BICC1: variants seen among roughly 807,000 people sequenced by gnomAD.
The protein encoded by BICC1 is protein bicaudal C homolog 1.
BICC1 carries 43 observed loss-of-function variants against 111.0 expected under a neutral mutation model. The ratio of observed to expected loss-of-function variants is 0.39; its 90% CI spans 0.30 to 0.50. The LOEUF is 0.50. Among genes scored for constraint, BICC1 ranks in the 20% least tolerant of loss-of-function variants. The pLI is 0.88. For synonymous variants in BICC1, 467 were observed against 434.4 expected (o/e 1.07, Z -0.93); for missense variants, 1,091 against 1,203.2 (o/e 0.91, Z 1.38).
Position 58,798,457 on chromosome 10 carries a change from G to C in BICC1, c.1425G>C (p.Leu475Phe), listed in dbSNP as rs973554739. 7.4e-6 allele frequency: 12 copies of C among 1,613,056 alleles called. No homozygotes were observed. Among genetic ancestry groups the C allele is most frequent in the Middle Eastern group, 3.3e-4 (2 of 6,058 alleles). ...CTTCAACAACCCCAAACTCACTCTT[G>C]AATGCTCTTAATAGCTCAGTCAGTC... Reference protein sequence around the residue: ...LNTSTTPNSLLNALNSSVSPL... With the variant: ...LNTSTTPNSLFNALNSSVSPL... The change falls in exon 11 of 21, where the codon TTG becomes TTC. Residue 475 changes from leucine (L) to phenylalanine (F), a missense_variant. This residue lies in a region of BICC1 where 843 missense variants were observed against 900.8 expected (regional missense o/e 0.94). Transcript: ENST00000373886.
chr10:58,715,558 G>A, intron 3 of BICC1: 1 of 1,526,480 alleles, frequency 6.6e-7, no homozygotes, highest in South Asian at 1.1e-5. Context: ...AGCACCATGG[G>A]GAAGCGGGAC....
chr10:58,742,921 A>G (rs1841715349), intron 3 of BICC1, among the ~76,000 whole-genome samples: 1 of 152,172 alleles, frequency 6.6e-6, no homozygotes, highest in African/African-American at 2.4e-5. Flanking sequence ...CATTGCCCAC[A>G]CCTTAAATGA....
intron 1 of BICC1, among the ~76,000 whole-genome samples, chr10:58,587,050 C>G (rs1447643243): frequency 3.9e-5 from 6 of 152,104 alleles, no homozygotes. Context: ...TAATTAAAGC[C>G]TCATGAATAT....
intron 2 of BICC1, among the ~76,000 whole-genome samples, chr10:58,672,682 T>C (rs1589001217): frequency 1.3e-5 from 2 of 152,220 alleles, no homozygotes; most frequent in South Asian, 4.1e-4. Flanking sequence ...TTGGCCACCA[T>C]CCTTTCCCCG....
chr10:58,528,347 G>T (rs929814904), intron 1 of BICC1, among the ~76,000 whole-genome samples: 9 of 151,802 alleles, frequency 5.9e-5, no homozygotes, highest in Non-Finnish European at 1.3e-4. Context: ...TTTGAATGAG[G>T]ATATGCAAAA....
intron 1 of BICC1, among the ~76,000 whole-genome samples, chr10:58,564,121 C>T (rs1843687608): frequency 2.0e-5 from 3 of 152,114 alleles, no homozygotes; most frequent in African/African-American, 4.8e-5. Flanking sequence ...TATAAATTTA[C>T]ATACAACATA....
At chr10:58,682,743 G>T (rs1055157916) in intron 2 of BICC1, among the ~76,000 whole-genome samples, 1 of 151,892 alleles carries the variant, frequency 6.6e-6, no homozygotes, top group Non-Finnish European at 1.5e-5. Context: ...ATTTTTTCTT[G>T]TAAATTTGTT....
chr10:58,748,051 T>TC (rs1299766444), intron 3 of BICC1, among the ~76,000 whole-genome samples: 2 of 152,170 alleles, frequency 1.3e-5, no homozygotes, highest in African/African-American at 4.8e-5. Flanking sequence ...TTACATTATA[T>TC]CATACTAGGT....
chr10:58,539,405 G>T (rs140405654), intron 1 of BICC1, among the ~76,000 whole-genome samples: 1 of 151,572 alleles, frequency 6.6e-6, no homozygotes, highest in Non-Finnish European at 1.5e-5. Context: ...AAGCAGGAGA[G>T]AGGTGAGAGA....
At chr10:58,613,907 A>G (rs1845517787) in intron 1 of BICC1, among the ~76,000 whole-genome samples, 1 of 152,178 alleles carries the variant, frequency 6.6e-6, no homozygotes. Context: ...AGTCCTAAGT[A>G]TTTGCAGAAT....
chr10:58,637,820 G>T (rs1837996064), intron 2 of BICC1, among the ~76,000 whole-genome samples: 1 of 152,152 alleles, frequency 6.6e-6, no homozygotes, highest in Non-Finnish European at 1.5e-5. Context: ...GGTACCAGTG[G>T]CATAACTTAT....
chr10:58,512,966 G>A lies in BICC1; in HGVS notation c.-178G>A, dbSNP rs867250238. On this transcript the variant is annotated 5_prime_UTR_variant, in exon 1 of 21. Transcript: ENST00000373886. Reference sequence around the variant, plus strand: ...TGGCGGGTGGCGTGGGCGGCGCCCGGGGCTGGGATGCGCCGGGGGCTCAGT... The same window carrying A: ...TGGCGGGTGGCGTGGGCGGCGCCCGAGGCTGGGATGCGCCGGGGGCTCAGT... 7.4e-5 allele frequency among the ~76,000 whole-genome samples: 11 copies of A among 147,864 alleles called. No homozygotes were observed. The highest frequency in any genetic ancestry group is 2.7e-4 in the African/African-American group (11 of 41,106).
At chr10:58,648,033 C>A (rs571299019) in intron 2 of BICC1, among the ~76,000 whole-genome samples, 6 of 152,144 alleles carry the variant, frequency 3.9e-5, no homozygotes, top group Non-Finnish European at 8.8e-5. Context: ...ATTGTCTTAA[C>A]TTGATCTGGT....
chr10:58,787,440 C>G (rs919250970), intron 5 of BICC1, among the ~76,000 whole-genome samples: 11 of 152,104 alleles, frequency 7.2e-5, no homozygotes, highest in African/African-American at 2.4e-4. Context: ...GAAGTAAATA[C>G]CTTTGTGGCA....
At chr10:58,827,825 C>T (rs533739176) in intron 20 of BICC1, among the ~76,000 whole-genome samples, 1 of 152,230 alleles carries the variant, frequency 6.6e-6, no homozygotes, top group Non-Finnish European at 1.5e-5. Context: ...ATGTGCCTGC[C>T]TCTCCTTCCA....
chr10:58,552,158 T>A (rs1285011890), intron 1 of BICC1, among the ~76,000 whole-genome samples: 1 of 151,758 alleles, frequency 6.6e-6, no homozygotes, highest in Non-Finnish European at 1.5e-5. Flanking sequence ...TCACTCTTCA[T>A]GTGTTAAGAG....
At chr10:58,682,782 C>A (rs192194086) in intron 2 of BICC1, among the ~76,000 whole-genome samples, 1 of 152,146 alleles carries the variant, frequency 6.6e-6, no homozygotes, top group Non-Finnish European at 1.5e-5. Context: ...TGGATATTAG[C>A]CCTTTGTCAG....
At chr10:58,611,358 A>G (rs1252849682) in intron 1 of BICC1, among the ~76,000 whole-genome samples, 1 of 152,178 alleles carries the variant, frequency 6.6e-6, no homozygotes, top group Middle Eastern at 3.2e-3. Context: ...TTTTTCTAAC[A>G]CATTCACTAT....
chr10:58,748,515 T>C (rs1841898531), intron 3 of BICC1, among the ~76,000 whole-genome samples: 1 of 152,052 alleles, frequency 6.6e-6, no homozygotes, highest in South Asian at 2.1e-4. Context: ...TTTCTCTAAG[T>C]TTGTACACGT....
Sources: allele counts gnomAD v4.1 joint callset (sites outside exome capture counted in the v4.1 genomes callset), GRCh38; gene constraint gnomAD v4.1.1; regional missense constraint gnomAD v4.1.1; transcripts MANE v1.5; gene names NCBI Gene and HGNC (gene_info 2026-07-23, HGNC 2026-07-21).